ABHD12: variants seen among roughly 807,000 people sequenced by gnomAD.
ABHD12 encodes the protein abhydrolase domain containing 12, lysophospholipase.
In ABHD12, 43 loss-of-function variants were observed where a neutral mutation model predicts 58.3. That is an observed-to-expected ratio of 0.74 (90% confidence interval 0.58 to 0.95). The LOEUF is 0.95. ABHD12 is among the 40% of genes least tolerant of loss of function. The pLI is 0.00. For missense variants in ABHD12, 539 were observed against 537.2 expected (o/e 1.00, Z -0.03); for synonymous variants, 219 against 211.2 (o/e 1.04, Z -0.32).
Position 25,326,866 on chromosome 20 carries a change from AT to A in ABHD12, c.317-3437del, listed in dbSNP as rs375054088. ...CAAGTCACCAAACTAATGCATTCCA[AT>A]TTTTACTTTTAAAATTGGGAATTGC... is the stretch of plus-strand genomic sequence containing the variant. On this transcript the variant is annotated intron_variant, in intron 2 of 12. Coordinates refer to ENST00000339157, the MANE Select transcript of ABHD12 (RefSeq NM_001042472.3). Among the ~76,000 whole-genome samples the A allele has an allele frequency of 1.2e-3, 179 of 152,272 alleles. 1 individual carries two copies. Among genetic ancestry groups the A allele is most frequent in the African/African-American group, 4.1e-3 (171 of 41,566 alleles).
At chr20:25,331,474 G>A (rs1367285167) in intron 2 of ABHD12, among the ~76,000 whole-genome samples, 2 of 151,970 alleles carry the variant, frequency 1.3e-5, no homozygotes, top group Admixed American at 6.6e-5. Flanking sequence ...GATACTCCTC[G>A]AGAAGAGCAA....
chr20:25,339,466 A>G, intron 1 of ABHD12, 115 bp from the exon 2 acceptor site: 1 of 1,509,620 alleles, frequency 6.6e-7, no homozygotes. Flanking sequence ...TTTTTTCCAC[A>G]AGGATACTGC....
At chr20:25,366,405 TACAG>T (rs879547493) in intron 1 of ABHD12, among the ~76,000 whole-genome samples, 5 of 152,168 alleles carry the variant, frequency 3.3e-5, no homozygotes, top group Non-Finnish European at 5.9e-5. Context: ...TAGCTAGGAT[TACAG>T]GCATGTGCCA....
intron 1 of ABHD12, chr20:25,390,211 G>T (rs1568784622): frequency 3.6e-6 from 1 of 278,052 alleles, no homozygotes. Context: ...GGGTCCCCCC[G>T]GCTTCCCCGG....
intron 3 of ABHD12, among the ~76,000 whole-genome samples, chr20:25,320,802 C>T (rs189796811): frequency 6.6e-6 from 1 of 151,124 alleles, no homozygotes; most frequent in African/African-American, 2.4e-5. Context: ...GACTAGAAAC[C>T]GGGCCATCGC....
intron 1 of ABHD12, among the ~76,000 whole-genome samples, chr20:25,346,807 A>T (rs771925769): frequency 1.3e-4 from 20 of 151,996 alleles, no homozygotes; most frequent in Non-Finnish European, 2.2e-4. Flanking sequence ...CACCAAGCCC[A>T]GCTAATTTTT....
At chr20:25,374,167 C>T (rs902597681) in intron 1 of ABHD12, among the ~76,000 whole-genome samples, 1 of 152,074 alleles carries the variant, frequency 6.6e-6, no homozygotes, top group Non-Finnish European at 1.5e-5. Flanking sequence ...CTCAAGTGAT[C>T]CTCCTTCTTT....
downstream of ABHD12, among the ~76,000 whole-genome samples, chr20:25,299,094 G>A (rs561526011): frequency 6.8e-6 from 1 of 147,000 alleles, no homozygotes; most frequent in South Asian, 2.2e-4. Context: ...CATCATCTCA[G>A]TTTTGTAAAA....
intron 1 of ABHD12, among the ~76,000 whole-genome samples, chr20:25,385,268 C>T (rs73614594): frequency 0.058 from 7,467 of 129,800 alleles, 200 homozygotes; most frequent in Middle Eastern, 0.15. Context: ...AACTGGGAGG[C>T]GGAGGTTGCA....
intron 5 of ABHD12, among the ~76,000 whole-genome samples, chr20:25,315,910 G>A (rs990680774): frequency 2.6e-5 from 4 of 152,192 alleles, no homozygotes; most frequent in Non-Finnish European, 5.9e-5. Context: ...GAGGGGAGGA[G>A]AGTGAGGCTG....
chr20:25,379,322 G>A (rs1046903929), intron 1 of ABHD12, among the ~76,000 whole-genome samples: 9 of 152,180 alleles, frequency 5.9e-5, no homozygotes, highest in African/African-American at 2.2e-4. Context: ...CTGCGCCCAC[G>A]TGGGGAACTG....
chr20:25,323,545 ACACATGCACACC>A (rs1300698508), intron 2 of ABHD12, 115 bp from the exon 3 acceptor site: 2 of 737,968 alleles, frequency 2.7e-6, no homozygotes, highest in African/African-American at 1.7e-5. Context: ...GTGCACACAC[ACACATGCACACC>A]CACATGCACA....
At position 25,390,500 on chromosome 20, in the gene ABHD12, C is replaced by G; in HGVS notation, c.191+13G>C. 1 of 1,378,352 alleles carries G rather than the reference C, an allele frequency of 7.3e-7. No individual in the cohort carries two copies. Among genetic ancestry groups the G allele is most frequent in the African/African-American group, 1.7e-5 (1 of 60,108 alleles). 85.4% of individuals were successfully genotyped at this position (1,378,352 alleles called of 1,614,324 possible). ...CGGCCCCCCCCCCCCCCCCGCTCCG[C>G]GCGAAGCCTCACCTGCCCAGCGCCC... is the stretch of plus-strand genomic sequence containing the variant. On this transcript the variant is annotated intron_variant, in intron 1 of 12. Coordinates refer to ENST00000339157, the MANE Select transcript of ABHD12 (RefSeq NM_001042472.3).
intron 1 of ABHD12, 184 bp from the exon 2 acceptor site, chr20:25,339,535 T>C: frequency 1.4e-6 from 2 of 1,396,550 alleles, no homozygotes; most frequent in Non-Finnish European, 2.0e-6. Context: ...ACATAGTCTT[T>C]TAATTTGGGC....
At chr20:25,360,830 C>T (rs2089736602) in intron 1 of ABHD12, among the ~76,000 whole-genome samples, 1 of 152,192 alleles carries the variant, frequency 6.6e-6, no homozygotes, top group African/African-American at 2.4e-5. Context: ...AGGCGGACAA[C>T]TGGAAAAACC....
chr20:25,339,543 G>T (rs1476447723), intron 1 of ABHD12, 192 bp from the exon 2 acceptor site: 2 of 1,400,826 alleles, frequency 1.4e-6, no homozygotes, highest in Non-Finnish European at 2.0e-6. Flanking sequence ...TTTTAATTTG[G>T]GCTTAGAACT....
chr20:25,301,118 T>A (rs1383759299), intron 12 of ABHD12, among the ~76,000 whole-genome samples: 1 of 152,212 alleles, frequency 6.6e-6, no homozygotes, highest in African/African-American at 2.4e-5. Flanking sequence ...TCTCTGATTC[T>A]TGACCCTCAA....
At position 25,308,462 on chromosome 20, in the gene ABHD12, T is replaced by G. The variant is rs1482572128; in HGVS notation, c.782A>C (p.Glu261Ala). The stretch of plus-strand genomic sequence containing the variant: ...GGGCCCAACAAGGCACTCACCTCGC[T>G]CACAGAGGCGCCGCACCAGATTTGT... ...VATNLVRRLC[E>A]RETPPDALIL... Residue 261 changes from glutamate (E) to alanine (A), a missense_variant, in exon 8 of 13, where the codon GAG becomes GCG. By Grantham distance (107) the Glu-to-Ala change is moderately radical (BLOSUM62 -1). Coordinates refer to ENST00000339157, the MANE Select transcript of ABHD12 (RefSeq NM_001042472.3). 6.2e-7 allele frequency: 1 copy of G among 1,611,796 alleles called. No individual in the cohort carries two copies. Among genetic ancestry groups the G allele is most frequent in the South Asian group, 1.1e-5 (1 of 90,590 alleles).
chr20:25,386,718 T>C (rs1035657160), intron 1 of ABHD12, among the ~76,000 whole-genome samples: 1 of 151,578 alleles, frequency 6.6e-6, no homozygotes, highest in Non-Finnish European at 1.5e-5. Flanking sequence ...CCGTCTCCAT[T>C]AAAAATACAA....
Sources: gnomAD v4.1 joint callset for allele counts (sites outside exome capture counted in the v4.1 genomes callset) on GRCh38, gnomAD v4.1.1 for gene constraint, MANE v1.5 for transcripts, NCBI Gene and HGNC (gene_info 2026-07-23, HGNC 2026-07-21) for gene names.